RPP30: variants seen among roughly 807,000 people sequenced by gnomAD.
RPP30 encodes the protein ribonuclease P/MRP subunit p30, also known as ribonuclease P protein subunit p30.
In RPP30, 36 loss-of-function variants were observed where a neutral mutation model predicts 38.6. The ratio of observed to expected loss-of-function variants is 0.93; its 90% CI spans 0.71 to 1.23. The LOEUF is 1.23. Among genes scored for constraint, RPP30 ranks in the 50% most tolerant of loss-of-function variants. The probability of loss-of-function intolerance (pLI) is 0.00; values close to 1 mark genes in which losing one functional copy is unlikely to be tolerated. For synonymous variants in RPP30, 126 were observed against 112.7 expected, an observed-to-expected ratio of 1.12 and a Z score of -0.75; for missense variants, 321 against 321.7, an observed-to-expected ratio of 1.00 and a Z score of 0.02.
rs1589503382 is a variant in RPP30 at position 90,901,057 on chromosome 10, A to C, written c.*378A>C. On this transcript the variant is annotated 3_prime_UTR_variant, in exon 11 of 11. Transcript: ENST00000371703. ...AGTGGCATAATCACAGCTCACTGCA[A>C]CCTCAATCCTGGGCTCAAGTGATCC... The C allele has an allele frequency of 3.8e-6, 2 of 526,624 alleles. No individual in the cohort carries two copies. Among genetic ancestry groups the C allele is most frequent in the East Asian group, 2.9e-4 (2 of 6,808 alleles). 32.6% of individuals were successfully genotyped at this position (526,624 alleles called of 1,614,324 possible).
At chr10:90,905,199 A>G (rs1847240798), downstream of RPP30, 1 of 151,934 alleles carries the variant, frequency 6.6e-6, no homozygotes, top group African/African-American at 2.4e-5. Flanking sequence ...CCAACATGAC[A>G]TGCTGTTAGC....
intron 9 of RPP30, 92 bp downstream of exon 9, chr10:90,896,009 A>G (rs1847135152): frequency 2.1e-6 from 2 of 968,944 alleles, no homozygotes; most frequent in South Asian, 1.5e-5. Context: ...ATTTTTCTCA[A>G]CCTTTTACTG....
chr10:90,878,058 C>T (rs969017468), intron 4 of RPP30, among the ~76,000 whole-genome samples: 2 of 152,196 alleles, frequency 1.3e-5, no homozygotes, highest in African/African-American at 4.8e-5. Context: ...CCCAGGTAGA[C>T]ATAAATGGAG....
intron 5 of RPP30, among the ~76,000 whole-genome samples, chr10:90,883,139 T>G (rs1846953510): frequency 6.6e-6 from 1 of 152,162 alleles, no homozygotes; most frequent in Non-Finnish European, 1.5e-5. Context: ...TCTTCACAAT[T>G]TATCAAACTG....
chr10:90,878,407 T>C (rs967617707), intron 4 of RPP30, among the ~76,000 whole-genome samples: 1 of 152,186 alleles, frequency 6.6e-6, no homozygotes, highest in African/African-American at 2.4e-5. Flanking sequence ...AGAGATTGTA[T>C]GTTTGTGTAT....
downstream of RPP30, among the ~76,000 whole-genome samples, chr10:90,907,840 A>G (rs971001889): frequency 6.6e-6 from 1 of 152,206 alleles, no homozygotes; most frequent in African/African-American, 2.4e-5. Flanking sequence ...ACAGACAGAT[A>G]CTGTGCACTT....
chr10:90,904,009 C>T (rs1379394988), downstream of RPP30, among the ~76,000 whole-genome samples: 1 of 152,058 alleles, frequency 6.6e-6, no homozygotes, highest in Non-Finnish European at 1.5e-5. Flanking sequence ...AATCAAAATG[C>T]TTATAAGTAT....
downstream of RPP30, among the ~76,000 whole-genome samples, chr10:90,902,897 C>T (rs1167914295): frequency 6.6e-6 from 1 of 152,178 alleles, no homozygotes; most frequent in Non-Finnish European, 1.5e-5. Flanking sequence ...TTTTCCTTCA[C>T]CCTGCTTAAG....
At chr10:90,905,580 A>T (rs1031618884), downstream of RPP30, 4 of 152,202 alleles carry the variant, frequency 2.6e-5, no homozygotes, top group African/African-American at 9.7e-5. Context: ...CCTAATTTGA[A>T]ATGCTGCTTC....
intron 10 of RPP30, among the ~76,000 whole-genome samples, chr10:90,898,721 A>T (rs1239245117): frequency 1.3e-5 from 2 of 152,188 alleles, no homozygotes; most frequent in African/African-American, 2.4e-5. Context: ...TTCAACTTGG[A>T]AGGCTTGCCA....
At chr10:90,880,963 T>G (rs545856196) in intron 5 of RPP30, among the ~76,000 whole-genome samples, 1 of 152,172 alleles carries the variant, frequency 6.6e-6, no homozygotes, top group Non-Finnish European at 1.5e-5. Context: ...GTGTTTAATA[T>G]AAGGAAGACC....
chr10:90,893,639 G>A (rs951847699), intron 6 of RPP30, among the ~76,000 whole-genome samples: 1 of 151,980 alleles, frequency 6.6e-6, no homozygotes, highest in East Asian at 1.9e-4. Flanking sequence ...CCTTCCCTAC[G>A]TGCTGCCATG....
At chr10:90,899,931 T>G (rs1383427318) in intron 10 of RPP30, among the ~76,000 whole-genome samples, 3 of 152,236 alleles carry the variant, frequency 2.0e-5, no homozygotes, top group African/African-American at 7.2e-5. Context: ...ATTGGTTAAA[T>G]TTAAGTTGAA....
In RPP30 at chr10:90,896,303, C is replaced by T; in HGVS notation, c.618-10C>T. ...TGACTCTGGGTTGAAATCTTTAATG[C>T]TCCCCCAAGAGGCTTGCTGTTTGGG... On this transcript the variant is annotated splice_polypyrimidine_tract_variant and intron_variant, in intron 9 of 10. Transcript: ENST00000371703. The T allele has an allele frequency of 1.9e-6, 3 of 1,612,904 alleles. No homozygotes were observed. The highest frequency in any genetic ancestry group is 2.5e-6 in the Non-Finnish European group (3 of 1,178,942).
intron 5 of RPP30, 29 bp from the exon 6 acceptor site, chr10:90,885,783 G>A: frequency 6.7e-7 from 1 of 1,483,322 alleles, no homozygotes. Context: ...TTTTCCTTTT[G>A]GCCTTACCTA....
chr10:90,872,152 G>A, intron 1 of RPP30, 84 bp downstream of exon 1: 3 of 1,173,682 alleles, frequency 2.6e-6, no homozygotes, highest in Middle Eastern at 1.9e-4. Context: ...TTTCCTGATG[G>A]GTCTCGGTCA....
chr10:90,884,258 C>T (rs1485695150), intron 5 of RPP30, among the ~76,000 whole-genome samples: 2 of 152,130 alleles, frequency 1.3e-5, no homozygotes, highest in Non-Finnish European at 2.9e-5. Context: ...CTATAGGAGA[C>T]TCCACTTATA....
chr10:90,899,421 A>T (rs1194431500), intron 10 of RPP30, among the ~76,000 whole-genome samples: 1 of 152,224 alleles, frequency 6.6e-6, no homozygotes, highest in Non-Finnish European at 1.5e-5. Context: ...AATAAGGAAT[A>T]ATTCATAGCT....
At chr10:90,887,510 G>A (rs1847018126) in intron 6 of RPP30, among the ~76,000 whole-genome samples, 1 of 151,684 alleles carries the variant, frequency 6.6e-6, no homozygotes, top group African/African-American at 2.4e-5. Context: ...AGCCTCCTGA[G>A]TAGCTGGGAT....
Sources: gnomAD v4.1 joint callset for allele counts (sites outside exome capture counted in the v4.1 genomes callset) on GRCh38, gnomAD v4.1.1 for gene constraint, MANE v1.5 for transcripts, NCBI Gene and HGNC (gene_info 2026-07-23, HGNC 2026-07-21) for gene names.